The following ITGB3BP variants were observed in gnomAD, a reference collection of about 807,000 sequenced individuals.
ITGB3BP encodes the protein centromere protein R.
Under a neutral mutation model 29.1 loss-of-function variants are expected in ITGB3BP, and 27 were observed. The ratio of observed to expected loss-of-function variants is 0.93; its 90% CI spans 0.68 to 1.28. The LOEUF (loss-of-function observed/expected upper bound fraction) is 1.28. Ranked by LOEUF, ITGB3BP falls within the 50% of genes most tolerant of loss-of-function variation. ITGB3BP has a pLI of 0.00. For missense variants in ITGB3BP, 192 were observed against 200.2 expected (o/e 0.96, Z 0.25); for synonymous variants, 61 against 61.4 (o/e 0.99, Z 0.03).
Position 63,528,361 on chromosome 1 carries a change from A to G in ITGB3BP, n.254-391T>C, listed in dbSNP as rs537841159. Among the ~76,000 whole-genome samples, 7 of 152,300 alleles carry G rather than the reference A, an allele frequency of 4.6e-5. No homozygotes were observed. In the East Asian group the frequency reaches 9.6e-4, roughly 21 times the overall value. On this transcript the variant is annotated intron_variant and non_coding_transcript_variant, in intron 2 of 4. Coordinates refer to the ITGB3BP transcript ENST00000478138. ...AGGCAAACATCACACATTCTTTCTT[A>G]TCTGTGGGAGCTAAAAATTAAAACA...
chr1:63,451,434 A>T (rs1644858001), intron 7 of ITGB3BP, among the ~76,000 whole-genome samples: 1 of 151,980 alleles, frequency 6.6e-6, no homozygotes, highest in Admixed American at 6.6e-5. Context: ...AATAAATAAA[A>T]GAAAGTGGAA....
In ITGB3BP at chr1:63,521,793, A is replaced by G. The variant is rs1646454873; in HGVS notation, c.5+1336T>C. ...CCAGACTCTGCCTCAAAAAAAGAAA[A>G]AAAAAGTTCCACTTTTCATAGTTTT... On this transcript the variant is annotated intron_variant, in intron 1 of 8. Transcript: ENST00000271002. 5.9e-5 allele frequency among the ~76,000 whole-genome samples: 9 copies of G among 152,242 alleles called. No individual in the cohort carries two copies. The South Asian group carries it at 1.9e-3, about 32-fold the overall frequency.
At chr1:63,491,703 T>G (rs949071424) in intron 2 of ITGB3BP, among the ~76,000 whole-genome samples, 12 of 152,202 alleles carry the variant, frequency 7.9e-5, no homozygotes, top group Non-Finnish European at 1.8e-4. Context: ...ATTTTAAATA[T>G]TAGGAAACAA....
rs541674695 is a variant in ITGB3BP, at chr1:63,490,751, A to G, written c.49-533T>C. Among the ~76,000 whole-genome samples, 12 of 152,328 alleles carry G rather than the reference A, an allele frequency of 7.9e-5. 1 individual carries two copies. The highest frequency in any genetic ancestry group is 2.9e-4 in the African/African-American group (12 of 41,584). The stretch of plus-strand genomic sequence containing the variant: ...CCTTTGAGGATTTGGCCTGTCTTAC[A>G]AATTTCCTCTTAGCAGCTTCCTCCT... On this transcript the variant is annotated intron_variant, in intron 2 of 8. Transcript: ENST00000271002.
intron 1 of ITGB3BP, among the ~76,000 whole-genome samples, chr1:63,517,621 T>C (rs1646362568): frequency 6.6e-6 from 1 of 152,216 alleles, no homozygotes; most frequent in Non-Finnish European, 1.5e-5. Context: ...TTTTGCATCC[T>C]ACATCCTTGC....
chr1:63,492,642 T>C (rs774913155), intron 2 of ITGB3BP, among the ~76,000 whole-genome samples: 18 of 152,028 alleles, frequency 1.2e-4, no homozygotes, highest in Non-Finnish European at 2.6e-4. Context: ...AGCTACTAAC[T>C]GAGAAGTCAG....
chr1:63,523,009 G>A, intron 1 of ITGB3BP, 120 bp downstream of exon 1: 1 of 1,157,460 alleles, frequency 8.6e-7, no homozygotes, highest in Non-Finnish European at 1.3e-6. Context: ...CCTGTGGACA[G>A]AGGAGACAAG....
intron 3 of ITGB3BP, among the ~76,000 whole-genome samples, chr1:63,487,653 T>A (rs1237327477): frequency 6.6e-6 from 1 of 152,092 alleles, no homozygotes; most frequent in South Asian, 2.1e-4. Context: ...TATTTGTTTA[T>A]CTAAACATAT....
At chr1:63,445,211 A>AGGAGGT (rs1644775877) in intron 8 of ITGB3BP, among the ~76,000 whole-genome samples, 1 of 152,076 alleles carries the variant, frequency 6.6e-6, no homozygotes, top group Non-Finnish European at 1.5e-5. Context: ...ACTTGAATAC[A>AGGAGGT]GGAGGTGGAG....
At chr1:63,465,386 T>C (rs1645081540) in intron 4 of ITGB3BP, among the ~76,000 whole-genome samples, 1 of 152,086 alleles carries the variant, frequency 6.6e-6, no homozygotes, top group Non-Finnish European at 1.5e-5. Flanking sequence ...GTTAAAAGCT[T>C]ACAAAAGGTA....
At chr1:63,472,476 CTCTCCTCTCCACGG>C (rs1645219134) in intron 4 of ITGB3BP, among the ~76,000 whole-genome samples, 2 of 146,230 alleles carry the variant, frequency 1.4e-5, no homozygotes, top group African/African-American at 5.1e-5. Flanking sequence ...CCTCTCCCCT[CTCTCCTCTCCACGG>C]TCTCCTTCCA....
intron 3 of ITGB3BP, among the ~76,000 whole-genome samples, chr1:63,488,183 C>A (rs1186982569): frequency 6.6e-6 from 1 of 151,996 alleles, no homozygotes; most frequent in Non-Finnish European, 1.5e-5. Flanking sequence ...ATAGAAAGTA[C>A]ATATAAATAT....
intron 4 of ITGB3BP, among the ~76,000 whole-genome samples, chr1:63,469,343 T>TG (rs978442814): frequency 2.6e-5 from 4 of 151,370 alleles, no homozygotes; most frequent in African/African-American, 9.8e-5. Flanking sequence ...TTTTTTTTTT[T>TG]GAGACAGAGT....
rs10693054 is a variant in ITGB3BP, at chr1:63,463,249, C to CAAAAA, written c.255-8286_255-8282dup. On this transcript the variant is annotated intron_variant, in intron 4 of 8. Transcript: ENST00000271002. ...GGGCAACAAGAGCGAAACTCTGTCT[C>CAAAAA]AAAAAAAAAAAAAAAAAAAAAAGTC... Among the ~76,000 whole-genome samples the CAAAAA allele has an allele frequency of 4.8e-3, 368 of 76,812 alleles. 16 individuals are homozygous for CAAAAA. The highest frequency in any genetic ancestry group is 6.6e-3 in the Non-Finnish European group (282 of 42,726). 50.4% of individuals were successfully genotyped at this position (76,812 alleles called of 152,430 possible).
At chr1:63,528,880 C>T (rs1646644381) in intron 2 of ITGB3BP, among the ~76,000 whole-genome samples, 1 of 151,882 alleles carries the variant, frequency 6.6e-6, no homozygotes, top group African/African-American at 2.4e-5. Flanking sequence ...ACATTGTTTC[C>T]TTTATTATTA....
chr1:63,526,676 C>T (rs186309423), upstream of ITGB3BP, among the ~76,000 whole-genome samples: 7 of 152,240 alleles, frequency 4.6e-5, no homozygotes, highest in East Asian at 1.3e-3. Flanking sequence ...TTTTGATTTA[C>T]ATAATTTTAA....
chr1:63,524,035 G>A (rs1013828968), upstream of ITGB3BP, among the ~76,000 whole-genome samples: 2 of 152,068 alleles, frequency 1.3e-5, no homozygotes, highest in African/African-American at 2.4e-5. Context: ...CCAAGCCTGC[G>A]GGGGGTGCAA....
chr1:63,450,947 T>C (rs763329938), intron 7 of ITGB3BP, among the ~76,000 whole-genome samples: 3 of 151,918 alleles, frequency 2.0e-5, no homozygotes, highest in African/African-American at 4.8e-5. Flanking sequence ...GAATAAGTTA[T>C]ATAAAGCCTT....
chr1:63,493,422 AAAC>A (rs1645709569), intron 2 of ITGB3BP, among the ~76,000 whole-genome samples: 2 of 97,692 alleles, frequency 2.0e-5, no homozygotes, highest in African/African-American at 1.1e-4. Context: ...CTCAAAAAAC[AAAC>A]AAACAAACAA....
Sources: gnomAD v4.1 joint callset for allele counts (sites outside exome capture counted in the v4.1 genomes callset) on GRCh38, gnomAD v4.1.1 for gene constraint, MANE v1.5 for transcripts, NCBI Gene and HGNC (gene_info 2026-07-23, HGNC 2026-07-21) for gene names.